The following CHST9 variants were observed in gnomAD, a reference collection of about 807,000 sequenced individuals.
CHST9 encodes the protein carbohydrate sulfotransferase 9.
CHST9 carries 41 observed loss-of-function variants against 44.4 expected under a neutral mutation model. The ratio of observed to expected loss-of-function variants is 0.92; its 90% CI spans 0.72 to 1.20. The LOEUF (loss-of-function observed/expected upper bound fraction) is 1.20. Ranked by LOEUF, CHST9 falls within the 50% of genes most tolerant of loss-of-function variation. The pLI, the probability that CHST9 is intolerant of heterozygous loss-of-function variation, is 0.00. For missense variants in CHST9, 504 were observed against 516.5 expected, an observed-to-expected ratio of 0.98 and a Z score of 0.23; for synonymous variants, 171 against 178.4, an observed-to-expected ratio of 0.96 and a Z score of 0.33.
chr18:26,973,831 C>A (rs369493975), intron 4 of CHST9, among the ~76,000 whole-genome samples: 2 of 152,154 alleles, frequency 1.3e-5, no homozygotes, highest in Non-Finnish European at 1.5e-5. Context: ...TTCCTTTTAA[C>A]CTTGGTGCCT....
At position 26,941,662 on chromosome 18, in the gene CHST9, A is replaced by C. The variant is rs148140566; in HGVS notation, c.240+2667T>G. 5.2e-3 allele frequency among the ~76,000 whole-genome samples: 798 copies of C among 152,266 alleles called. 8 individuals are homozygous for C. Among genetic ancestry groups the C allele is most frequent in the Non-Finnish European group, 9.4e-3 (642 of 68,014 alleles). On this transcript the variant is annotated intron_variant, in intron 5 of 5. Coordinates refer to ENST00000618847, the MANE Select transcript of CHST9 (RefSeq NM_031422.6). ...GAAAAAAAAAATGGGTCATGCATTCATCCCATTCTAGAACAGAGGCTGCCA... is the reference window on the plus strand; with the variant it reads ...GAAAAAAAAAATGGGTCATGCATTCCTCCCATTCTAGAACAGAGGCTGCCA...
intron 4 of CHST9, among the ~76,000 whole-genome samples, chr18:26,966,308 C>G (rs1219798527): frequency 6.6e-6 from 1 of 152,162 alleles, no homozygotes; most frequent in South Asian, 2.1e-4. Context: ...AAAGAAATCT[C>G]TTTTAAATTC....
In CHST9 at chr18:27,107,452, T is replaced by C. The variant is rs147552023; in HGVS notation, c.121+35237A>G. ...AACAGCAAAGACTTGTATTGAGAAT[T>C]TTCTAAGCTCTCATTGTTTATGGGT... On this transcript the variant is annotated intron_variant, in intron 2 of 5. Transcript: ENST00000618847. 6.6e-5 allele frequency among the ~76,000 whole-genome samples: 10 copies of C among 152,308 alleles called. No individual in the cohort carries two copies. The East Asian group carries it at 1.9e-3, about 29-fold the overall frequency.
chr18:26,982,795 T>G (rs565415555), intron 4 of CHST9, among the ~76,000 whole-genome samples: 8 of 152,298 alleles, frequency 5.3e-5, no homozygotes, highest in African/African-American at 1.7e-4. Context: ...ATTCAAATAT[T>G]AAGTCATTTC....
At chr18:27,139,258 T>C (rs138202018) in intron 2 of CHST9, among the ~76,000 whole-genome samples, 26 of 152,250 alleles carry the variant, frequency 1.7e-4, no homozygotes, top group African/African-American at 6.3e-4. Flanking sequence ...CTGAAATATA[T>C]GTGTGATCAA....
chr18:26,971,232 T>C (rs929725205), intron 4 of CHST9, among the ~76,000 whole-genome samples: 1 of 132,304 alleles, frequency 7.6e-6, no homozygotes, highest in African/African-American at 3.0e-5. Context: ...ATGTTGATTG[T>C]TGACCATGTC....
chr18:27,184,619 C>T (rs993242457), intron 1 of CHST9, among the ~76,000 whole-genome samples: 1 of 152,052 alleles, frequency 6.6e-6, no homozygotes, highest in African/African-American at 2.4e-5. Flanking sequence ...AGCCAGGTCG[C>T]GGAGTTTGAG....
chr18:27,078,999 T>C (rs1568163582), intron 2 of CHST9, among the ~76,000 whole-genome samples: 1 of 152,210 alleles, frequency 6.6e-6, no homozygotes, highest in Non-Finnish European at 1.5e-5. Context: ...CCTCAGTTCC[T>C]AAAGCCATGA....
rs984542678 is a variant in CHST9 at position 26,915,122 on chromosome 18, T to C, written c.*1137A>G. ...ATGCAATGGTATCTGACTTTGTTAG[T>C]ATAGAATATTTAAACTTAAAAAGAA... On this transcript the variant is annotated 3_prime_UTR_variant, in exon 6 of 6. Transcript: ENST00000618847. The C allele has an allele frequency of 2.0e-5, 8 of 395,048 alleles. No homozygotes were observed. The highest frequency in any genetic ancestry group is 1.6e-4 in the African/African-American group (8 of 48,518). The allele number at this position is 395,048 out of a possible 1,614,324, so 24.5% of individuals were successfully genotyped here.
In CHST9 at chr18:27,153,544, C is replaced by CTGTGTGTGTG. The variant is rs748908317; in HGVS notation, c.-96-10640_-96-10639insCACACACACA. Among the ~76,000 whole-genome samples, 10 of 95,516 alleles carry CTGTGTGTGTG rather than the reference C, an allele frequency of 1.0e-4. No homozygotes were observed. The East Asian group carries it at 3.4e-3, about 32-fold the overall frequency. 62.7% of individuals were successfully genotyped at this position (95,516 alleles called of 152,430 possible). On this transcript the variant is annotated intron_variant, in intron 1 of 5. Transcript: ENST00000618847. ...TCTGTCTTTCTCTCTCTCTCTCTCT[C>CTGTGTGTGTG]TCTGTGTGTGTGTGTGTGTGTGTAT... is the stretch of plus-strand genomic sequence containing the variant.
At chr18:27,007,928 C>A (rs2145239072) in intron 4 of CHST9, among the ~76,000 whole-genome samples, 1 of 152,242 alleles carries the variant, frequency 6.6e-6, no homozygotes, top group Non-Finnish European at 1.5e-5. Flanking sequence ...AGATCATTTA[C>A]TGACTGATTT....
intron 4 of CHST9, among the ~76,000 whole-genome samples, chr18:26,995,621 C>T (rs1377829458): frequency 6.6e-6 from 1 of 152,158 alleles, no homozygotes; most frequent in Non-Finnish European, 1.5e-5. Flanking sequence ...CAAGCTTAGC[C>T]TGCAAATGTC....
chr18:26,916,794 A>G lies in CHST9; in HGVS notation c.797T>C (p.Ile266Thr). The G allele has an allele frequency of 6.2e-7, 1 of 1,613,892 alleles. No homozygotes were observed. Among genetic ancestry groups the G allele is most frequent in the Non-Finnish European group, 8.5e-7 (1 of 1,179,850 alleles). The change falls in exon 6 of 6, where the codon ATA becomes ACA. Residue 266 changes from isoleucine (I) to threonine (T), a missense_variant. Physicochemically the swap from Ile to Thr is moderately conservative, Grantham distance 89. Transcript: ENST00000618847. ...KKLDSFDLKG[I>T]YTRLNTYTKA... ...GGTGTAAGTATTTAAGCGGGTATAT[A>G]TCCCTTTTAGGTCAAAGCTATCTAG...
intron 4 of CHST9, among the ~76,000 whole-genome samples, chr18:26,988,153 GAAGAC>G (rs2056775920): frequency 2.0e-5 from 3 of 152,112 alleles, no homozygotes; most frequent in African/African-American, 4.8e-5. Context: ...AGGGAACAAA[GAAGAC>G]AAGAGACAAA....
intron 4 of CHST9, among the ~76,000 whole-genome samples, chr18:27,000,516 G>A (rs560038054): frequency 2.4e-4 from 37 of 152,238 alleles, no homozygotes; most frequent in African/African-American, 8.2e-4. Flanking sequence ...GATATGTGAC[G>A]TGGAAACATA....
chr18:27,019,862 A>G (rs1349678453), intron 4 of CHST9, among the ~76,000 whole-genome samples: 1 of 152,250 alleles, frequency 6.6e-6, no homozygotes, highest in Non-Finnish European at 1.5e-5. Flanking sequence ...TATGTAAAGG[A>G]TAGAAACAAG....
chr18:27,056,681 G>T (rs532314673), intron 2 of CHST9, among the ~76,000 whole-genome samples: 1 of 152,128 alleles, frequency 6.6e-6, no homozygotes, highest in Non-Finnish European at 1.5e-5. Flanking sequence ...ACATTGCTAG[G>T]TGCTCCTCTT....
chr18:27,133,995 A>C lies in CHST9; in HGVS notation c.121+8694T>G, dbSNP rs576719002. Among the ~76,000 whole-genome samples, 18 of 152,340 alleles carry C rather than the reference A, an allele frequency of 1.2e-4. No homozygotes were observed. In the East Asian group the frequency reaches 3.5e-3, roughly 29 times the overall value. Reference sequence around the variant, plus strand: ...TTCAAATCAGTGACTTTTTAAAGAAAAGCAATTTTATTTCCCTGAGTATAT... The same window carrying C: ...TTCAAATCAGTGACTTTTTAAAGAACAGCAATTTTATTTCCCTGAGTATAT... On this transcript the variant is annotated intron_variant, in intron 2 of 5. Transcript: ENST00000618847.
At chr18:27,003,584 G>T (rs2056978576) in intron 4 of CHST9, among the ~76,000 whole-genome samples, 1 of 152,098 alleles carries the variant, frequency 6.6e-6, no homozygotes. Flanking sequence ...GCAATTGAAG[G>T]TCTTCCATTT....
Sources: gnomAD v4.1 joint callset for allele counts (sites outside exome capture counted in the v4.1 genomes callset) on GRCh38, gnomAD v4.1.1 for gene constraint, MANE v1.5 for transcripts, NCBI Gene and HGNC (gene_info 2026-07-23, HGNC 2026-07-21) for gene names.